OTOGL: variants seen among roughly 807,000 people sequenced by gnomAD.
OTOGL encodes otogelin like, also known as otogelin-like protein.
Under a neutral mutation model 318.5 loss-of-function variants are expected in OTOGL, and 285 were observed. The observed-to-expected ratio is 0.89, with a 90% CI of 0.81 to 0.99. The LOEUF (loss-of-function observed/expected upper bound fraction) is 0.99, where lower values mean the gene tolerates loss of function less well. Among genes scored for constraint, OTOGL ranks in the 50% least tolerant of loss-of-function variants. The pLI, the probability that OTOGL is intolerant of heterozygous loss-of-function variation, is 0.00. For missense variants in OTOGL, 2,899 were observed against 2,845.6 expected (o/e 1.02, Z -0.43); for synonymous variants, 987 against 936.5 (o/e 1.05, Z -0.99).
chr12:80,353,487 A>G lies in OTOGL; in HGVS notation c.5570A>G (p.Gln1857Arg). Residue 1857 changes from glutamine to arginine, a missense_variant, in exon 46 of 59, where the codon CAG becomes CGG. By Grantham distance (43) the Gln-to-Arg change is conservative. Coordinates refer to ENST00000547103, the MANE Select transcript of OTOGL (RefSeq NM_001378609.3). ...ATTCTTCACAGGCCACATTCAGCCC[A>G]GTGCATTCCAGAGAAAGAGTGTGGT... ...GTILHRPHSA[Q>R]CIPEKECACT... 1 of 1,583,934 alleles carries G rather than the reference A, an allele frequency of 6.3e-7. No individual in the cohort carries two copies. Among genetic ancestry groups the G allele is most frequent in the Non-Finnish European group, 8.6e-7 (1 of 1,165,290 alleles).
intron 1 of OTOGL, among the ~76,000 whole-genome samples, chr12:80,149,262 T>C (rs1423575174): frequency 1.2e-4 from 18 of 152,046 alleles, no homozygotes; most frequent in Non-Finnish European, 1.8e-4. Context: ...TTGTTAGTTT[T>C]CCTTCTAACA....
chr12:80,215,508 G>A (rs1441080162), intron 4 of OTOGL, among the ~76,000 whole-genome samples: 2 of 152,030 alleles, frequency 1.3e-5, no homozygotes, highest in Non-Finnish European at 2.9e-5. Flanking sequence ...CACTATTCTT[G>A]GTGTGTCACT....
At chr12:80,261,924 A>G in intron 18 of OTOGL, 45 bp from the exon 19 acceptor site, 1 of 1,587,678 alleles carries the variant, frequency 6.3e-7, no homozygotes. Flanking sequence ...TTATGAACAA[A>G]TGAATGAGAG....
At position 80,320,639 on chromosome 12, in the gene OTOGL, C is replaced by T. The variant is rs544627826; in HGVS notation, c.4020C>T (p.Val1340=). Residue 1340 remains valine (V), a synonymous_variant, in exon 34 of 59, where the codon GTC becomes GTT. Coordinates refer to ENST00000547103, the MANE Select transcript of OTOGL (RefSeq NM_001378609.3). ...TCATCATATTCACAGATTCTAGTGT[C>T]AAAGCATCAAAATATGATGATTCTG... ...GFFIIFTDSS[V]KASKYDDSEE... 111 of 1,608,882 alleles carry T rather than the reference C, an allele frequency of 6.9e-5. 1 individual carries two copies. In the South Asian group the frequency reaches 1.2e-3, roughly 17 times the overall value.
intron 1 of OTOGL, among the ~76,000 whole-genome samples, chr12:80,144,171 G>A (rs965640305): frequency 6.6e-6 from 1 of 151,738 alleles, no homozygotes; most frequent in African/African-American, 2.4e-5. Context: ...TCGTCATCTA[G>A]CATTAGGTGT....
intron 1 of OTOGL, among the ~76,000 whole-genome samples, chr12:80,162,452 G>A (rs1415389417): frequency 6.6e-6 from 1 of 152,040 alleles, no homozygotes; most frequent in African/African-American, 2.4e-5. Flanking sequence ...GTTCACTAGG[G>A]CTGCCTTAAG....
chr12:80,238,869 T>C lies in OTOGL; in HGVS notation c.836T>C (p.Ile279Thr), dbSNP rs1265908667. The C allele has an allele frequency of 6.4e-7, 1 of 1,554,102 alleles. No individual in the cohort carries two copies. Among genetic ancestry groups the C allele is most frequent in the East Asian group, 2.3e-5 (1 of 42,706 alleles). ...GAAATAGAGGACTATACAGAAGACA[T>C]CGCTATGTTTGCAAATAGTTGGTCG... ...IILQEDYTED[I>T]AMFANSWSVQ... The change falls in exon 10 of 59, where the codon ATC becomes ACC. Residue 279 changes from isoleucine (I) to threonine (T), a missense_variant. Transcript: ENST00000547103.
intron 26 of OTOGL, among the ~76,000 whole-genome samples, chr12:80,283,184 T>C (rs1884361482): frequency 6.6e-6 from 1 of 152,028 alleles, no homozygotes; most frequent in Admixed American, 6.6e-5. Context: ...AAGTTCATCC[T>C]TACAATAATA....
intron 52 of OTOGL, among the ~76,000 whole-genome samples, chr12:80,362,586 C>A (rs1280425735): frequency 6.6e-6 from 1 of 152,078 alleles, no homozygotes; most frequent in Non-Finnish European, 1.5e-5. Context: ...GATATCTTAA[C>A]AATAAAATTT....
chr12:80,306,839 G>A (rs61364213), intron 29 of OTOGL, among the ~76,000 whole-genome samples: 7,426 of 145,552 alleles, frequency 0.051, 649 homozygotes, highest in African/African-American at 0.18. Flanking sequence ...GATCATTCTT[G>A]GGTGTTTCTC....
At chr12:80,297,057 T>C (rs1011541261) in intron 27 of OTOGL, 96 bp downstream of exon 27, 15 of 1,157,956 alleles carry the variant, frequency 1.3e-5, no homozygotes, top group South Asian at 4.6e-5. Flanking sequence ...CTGTAAATGG[T>C]CATGAGATCT....
intron 1 of OTOGL, among the ~76,000 whole-genome samples, chr12:80,200,219 T>C (rs1876365001): frequency 1.3e-5 from 2 of 152,206 alleles, no homozygotes; most frequent in Admixed American, 1.3e-4. Flanking sequence ...AATAGGAATA[T>C]AAATTAATTA....
intron 52 of OTOGL, among the ~76,000 whole-genome samples, chr12:80,365,868 T>C (rs759577867): frequency 3.3e-5 from 5 of 152,144 alleles, no homozygotes; most frequent in East Asian, 1.9e-4. Context: ...CCAGGAAAAG[T>C]TGATGCTTTA....
In OTOGL at chr12:80,339,311, T is replaced by TTG. The variant is rs746336069; in HGVS notation, c.5050+48_5050+49insGT. On this transcript the variant is annotated intron_variant, in intron 43 of 58. Transcript: ENST00000547103. ...TTGATTTCGTCTGTTTTTTTTTTTT[T>TTG]TTTTTTTTTTTTCTATTCACGCTAT... The TTG allele has an allele frequency of 1.8e-4, 251 of 1,426,576 alleles. 1 individual carries two copies. The highest frequency in any genetic ancestry group is 2.8e-4 in the Admixed American group (12 of 42,874). The allele number at this position is 1,426,576 out of a possible 1,614,324, so 88.4% of individuals were successfully genotyped here.
intron 1 of OTOGL, among the ~76,000 whole-genome samples, chr12:80,121,177 C>T (rs571035384): frequency 5.3e-5 from 8 of 152,268 alleles, no homozygotes; most frequent in Non-Finnish European, 1.0e-4. Context: ...CACTCCTTTA[C>T]AAGCATTATT....
Position 80,295,186 on chromosome 12 carries a change from T to TTTTTTTA in OTOGL, c.2929-1641_2929-1640insTTTTTTA, listed in dbSNP as rs1485344487. On this transcript the variant is annotated intron_variant, in intron 26 of 58. Coordinates refer to ENST00000547103, the MANE Select transcript of OTOGL (RefSeq NM_001378609.3). ...TTTTTTTTTTTTTTTTTTTTTTTTT[T>TTTTTTTA]AAGACAGAGTCTCAATCTGTCACCC... Among the ~76,000 whole-genome samples, 18 of 114,946 alleles carry TTTTTTTA rather than the reference T, an allele frequency of 1.6e-4. No homozygotes were observed. The East Asian group carries it at 4.8e-3, about 31-fold the overall frequency. 75.4% of individuals were successfully genotyped at this position (114,946 alleles called of 152,430 possible).
chr12:80,241,352 C>T (rs180887753), intron 11 of OTOGL, among the ~76,000 whole-genome samples: 4 of 152,204 alleles, frequency 2.6e-5, no homozygotes, highest in Admixed American at 2.6e-4. Context: ...AAAGAACCCC[C>T]ACTCTGCCTA....
At chr12:80,361,445 G>A (rs1890233018) in intron 52 of OTOGL, among the ~76,000 whole-genome samples, 2 of 145,664 alleles carry the variant, frequency 1.4e-5, no homozygotes, top group African/African-American at 5.1e-5. Context: ...AGTAAACATG[G>A]GAGTGCAGAT....
At chr12:80,356,329 G>A in intron 47 of OTOGL, 87 bp from the exon 48 acceptor site, 2 of 995,026 alleles carry the variant, frequency 2.0e-6, no homozygotes, top group South Asian at 1.6e-5. Context: ...TGAGTTTCCT[G>A]TCTTGAGTTG....
Sources: allele counts gnomAD v4.1 joint callset (sites outside exome capture counted in the v4.1 genomes callset), GRCh38; gene constraint gnomAD v4.1.1; transcripts MANE v1.5; gene names NCBI Gene and HGNC (gene_info 2026-07-23, HGNC 2026-07-21).